The following GYPC variants were observed in gnomAD, a reference collection of about 807,000 sequenced individuals.
GYPC encodes the protein glycophorin C (Gerbich blood group), also known as glycophorin-C.
A neutral mutation model predicts 12.6 loss-of-function variants in GYPC; 14 were observed. The observed-to-expected ratio is 1.11, with a 90% CI of 0.74 to 1.74. The LOEUF (loss-of-function observed/expected upper bound fraction) is 1.74, where lower values mean the gene tolerates loss of function less well. Among genes scored for constraint, GYPC ranks in the 40% most tolerant of loss-of-function variants. The probability of loss-of-function intolerance (pLI) is 0.00; values close to 1 mark genes in which losing one functional copy is unlikely to be tolerated. For missense variants in GYPC, 225 were observed against 172.1 expected, an observed-to-expected ratio of 1.31 and a Z score of -1.72; for synonymous variants, 78 against 62.1, an observed-to-expected ratio of 1.26 and a Z score of -1.20.
intron 1 of GYPC, among the ~76,000 whole-genome samples, chr2:126,687,632 G>A (rs1391252114): frequency 6.6e-6 from 1 of 152,196 alleles, no homozygotes; most frequent in Non-Finnish European, 1.5e-5. Context: ...TGGGGGGCAT[G>A]GAGAGAGTAG....
intron 1 of GYPC, among the ~76,000 whole-genome samples, chr2:126,667,327 G>A (rs770247417): frequency 6.6e-6 from 1 of 151,760 alleles, no homozygotes; most frequent in Non-Finnish European, 1.5e-5. Context: ...TACCCCAGCA[G>A]TTAAATATTT....
At chr2:126,688,725 T>C (rs1683362556) in intron 1 of GYPC, among the ~76,000 whole-genome samples, 1 of 152,112 alleles carries the variant, frequency 6.6e-6, no homozygotes, top group African/African-American at 2.4e-5. Flanking sequence ...TGCTTCCTGC[T>C]GTGGACCCCT....
rs539158515 is a variant in GYPC, at chr2:126,656,177, A to G, written c.-87A>G. ...CCGCTTCCTCTCGCCGCCGAGGGTC[A>G]GGAGCCCGGGAGCGCGACCCTCCCC... On this transcript the variant is annotated 5_prime_UTR_variant, in exon 1 of 4. Transcript: ENST00000259254. The G allele has an allele frequency of 2.6e-6, 4 of 1,522,958 alleles. No individual in the cohort carries two copies. Among genetic ancestry groups the G allele is most frequent in the African/African-American group, 2.8e-5 (2 of 71,086 alleles). 94.3% of individuals were successfully genotyped at this position (1,522,958 alleles called of 1,614,324 possible). A position where few individuals can be genotyped will look rare whatever the true frequency, so the allele number is the denominator to read the frequency against.
chr2:126,670,573 A>G (rs921171171), intron 1 of GYPC, among the ~76,000 whole-genome samples: 5 of 152,150 alleles, frequency 3.3e-5, no homozygotes, highest in African/African-American at 1.2e-4. Context: ...AAGAAGCAGG[A>G]TATCGCATGG....
chr2:126,684,480 CAT>C (rs1683232282), intron 1 of GYPC, among the ~76,000 whole-genome samples: 1 of 152,162 alleles, frequency 6.6e-6, no homozygotes, highest in Non-Finnish European at 1.5e-5. Flanking sequence ...CTCCCACCAC[CAT>C]GCCCACTACC....
At chr2:126,687,087 G>A (rs959949375) in intron 1 of GYPC, among the ~76,000 whole-genome samples, 1 of 152,176 alleles carries the variant, frequency 6.6e-6, no homozygotes, top group Non-Finnish European at 1.5e-5. Context: ...GCCAAGGGGG[G>A]CTCTCACCCC....
At chr2:126,673,462 C>T (rs1682908782) in intron 1 of GYPC, among the ~76,000 whole-genome samples, 1 of 152,150 alleles carries the variant, frequency 6.6e-6, no homozygotes, top group African/African-American at 2.4e-5. Context: ...AGTGTGCTCT[C>T]GGGAGGAGAG....
chr2:126,682,813 C>A (rs28387180), intron 1 of GYPC, among the ~76,000 whole-genome samples: 1 of 152,152 alleles, frequency 6.6e-6, no homozygotes, highest in African/African-American at 2.4e-5. Flanking sequence ...CCAGACACCC[C>A]CTCCAGTCCC....
intron 1 of GYPC, among the ~76,000 whole-genome samples, chr2:126,683,085 A>C (rs1018774919): frequency 2.0e-5 from 3 of 152,238 alleles, no homozygotes; most frequent in Admixed American, 2.0e-4. Context: ...TGGGAGGCCA[A>C]GGCGGGCGGA....
chr2:126,658,408 C>G (rs1682431862), intron 1 of GYPC: 1 of 152,234 alleles, frequency 6.6e-6, no homozygotes, highest in South Asian at 2.1e-4. Flanking sequence ...CAAGTGAACC[C>G]ATCTGCAGTG....
At chr2:126,683,244 TG>T (rs1375733798) in intron 1 of GYPC, among the ~76,000 whole-genome samples, 3 of 151,738 alleles carry the variant, frequency 2.0e-5, no homozygotes, top group African/African-American at 7.3e-5. Flanking sequence ...CACTTGAACC[TG>T]GGGGGCAGAG....
chr2:126,686,319 G>C (rs761200193), intron 1 of GYPC: 23 of 985,772 alleles, frequency 2.3e-5, no homozygotes, highest in Non-Finnish European at 2.8e-5. Context: ...AACTGAAGCA[G>C]AGAGCACTGC....
At chr2:126,678,257 A>T (rs1295034077) in intron 1 of GYPC, 1 of 152,188 alleles carries the variant, frequency 6.6e-6, no homozygotes, top group Non-Finnish European at 1.5e-5. Flanking sequence ...AAAGAAAGAA[A>T]AGAAAAGAAA....
intron 1 of GYPC, among the ~76,000 whole-genome samples, chr2:126,664,085 CT>C (rs1682616725): frequency 6.6e-6 from 1 of 152,044 alleles, no homozygotes; most frequent in African/African-American, 2.4e-5. Flanking sequence ...TGATCATGCC[CT>C]GGATGGATTT....
intron 1 of GYPC, among the ~76,000 whole-genome samples, chr2:126,677,401 TAG>T (rs1205927698): frequency 6.0e-5 from 9 of 149,740 alleles, no homozygotes; most frequent in African/African-American, 2.0e-4. Context: ...ATTAGTGTGT[TAG>T]AGTGTGTAAG....
In GYPC at chr2:126,656,255, C is replaced by G; in HGVS notation, c.-9C>G. The G allele has an allele frequency of 1.2e-6, 2 of 1,601,450 alleles. No homozygotes were observed. Among genetic ancestry groups the G allele is most frequent in the Non-Finnish European group, 1.7e-6 (2 of 1,175,770 alleles). On this transcript the variant is annotated 5_prime_UTR_variant, in exon 1 of 4. Transcript: ENST00000259254. The stretch of plus-strand genomic sequence containing the variant: ...TCCCCGCGGTCTCTGCCCGGGCTGA[C>G]GCCCAGGAATGTGGTCGACGAGAAG...
rs752279582 is a variant in GYPC at position 126,693,849 on chromosome 2, G to C, written c.107-15G>C. 6.4e-7 allele frequency: 1 copy of C among 1,569,382 alleles called. No homozygotes were observed. Among genetic ancestry groups the C allele is most frequent in the Non-Finnish European group, 8.8e-7 (1 of 1,139,198 alleles). On this transcript the variant is annotated splice_polypyrimidine_tract_variant and intron_variant, in intron 2 of 3. Coordinates refer to ENST00000259254, the MANE Select transcript of GYPC (RefSeq NM_002101.5). ...TCTTCCTCTCTGACCTCAGATTCTT[G>C]TCCTCTGTTCACAGAGCCTGATCCA...
At chr2:126,688,461 A>C (rs113659425) in intron 1 of GYPC, among the ~76,000 whole-genome samples, 2 of 152,186 alleles carry the variant, frequency 1.3e-5, no homozygotes, top group South Asian at 4.1e-4. Flanking sequence ...CTAGATACTA[A>C]ATTGGAGGCT....
intron 1 of GYPC, chr2:126,675,783 TA>T (rs1682980055): frequency 2.0e-6 from 1 of 502,078 alleles, no homozygotes; most frequent in African/African-American, 2.1e-5. Context: ...ATATTCACCG[TA>T]GTAGTGATGG....
Sources: gnomAD v4.1 joint callset for allele counts (sites outside exome capture counted in the v4.1 genomes callset) on GRCh38, gnomAD v4.1.1 for gene constraint, MANE v1.5 for transcripts, NCBI Gene and HGNC (gene_info 2026-07-23, HGNC 2026-07-21) for gene names.